The following VGLL4 variants were observed in gnomAD, a reference collection of about 807,000 sequenced individuals.
The protein encoded by VGLL4 is transcription cofactor vestigial-like protein 4.
VGLL4 carries 7 observed loss-of-function variants against 21.0 expected under a neutral mutation model. The observed-to-expected ratio is 0.33, with a 90% CI of 0.19 to 0.63. VGLL4 has a LOEUF of 0.63. Among genes scored for constraint, VGLL4 ranks in the 20% least tolerant of loss-of-function variants. The pLI is 0.78. For missense variants in VGLL4, 394 were observed against 425.7 expected, an observed-to-expected ratio of 0.93 and a Z score of 0.66; for synonymous variants, 222 against 173.2, an observed-to-expected ratio of 1.28 and a Z score of -2.21.
At position 11,556,228 on chromosome 3, in the gene VGLL4, G is replaced by A. The variant is rs2072392340; in HGVS notation, c.*2328C>T. Reference sequence around the variant, plus strand: ...GAAGAGAAGGTCAGAGCGCACTGCAGGCAGCGCGGCTCTGGGAAGAACTTC... The same window carrying A: ...GAAGAGAAGGTCAGAGCGCACTGCAAGCAGCGCGGCTCTGGGAAGAACTTC... On this transcript the variant is annotated 3_prime_UTR_variant, in exon 5 of 5. Transcript: ENST00000430365. The A allele has an allele frequency of 6.6e-6, 1 of 152,632 alleles. No individual in the cohort carries two copies. Among genetic ancestry groups the A allele is most frequent in the South Asian group, 2.1e-4 (1 of 4,826 alleles). The allele number at this position is 152,632 out of a possible 1,614,324, so 9.5% of individuals were successfully genotyped here.
At chr3:11,649,395 C>CA (rs1353755420) in intron 2 of VGLL4, among the ~76,000 whole-genome samples, 1 of 152,110 alleles carries the variant, frequency 6.6e-6, no homozygotes, top group African/African-American at 2.4e-5. Context: ...TAATAGTGCC[C>CA]ATCTTTGAAT....
At chr3:11,558,940 C>G in intron 4 of VGLL4, 113 bp from the exon 5 acceptor site, 2 of 1,313,708 alleles carry the variant, frequency 1.5e-6, no homozygotes, top group South Asian at 2.7e-5. Context: ...CCACGGTCAG[C>G]GTGGGCTCTG....
intron 2 of VGLL4, among the ~76,000 whole-genome samples, chr3:11,701,953 A>C (rs894455174): frequency 6.6e-6 from 1 of 152,218 alleles, no homozygotes; most frequent in Non-Finnish European, 1.5e-5. Context: ...GGTGAGCAGG[A>C]AAATCACTTT....
chr3:11,717,434 A>G (rs2076934222), intron 1 of VGLL4, among the ~76,000 whole-genome samples: 1 of 150,390 alleles, frequency 6.6e-6, no homozygotes, highest in Non-Finnish European at 1.5e-5. Flanking sequence ...GGCAACCACC[A>G]GAGACTGGTA....
At chr3:11,625,702 TGC>T (rs2075339671) in intron 1 of VGLL4, among the ~76,000 whole-genome samples, 1 of 139,028 alleles carries the variant, frequency 7.2e-6, no homozygotes. Flanking sequence ...GAGCTAGTAT[TGC>T]TTCTTTAAAA....
rs1462188195 is a variant in VGLL4 at position 11,653,107 on chromosome 3, C to T, written c.64+49864G>A. 2.0e-5 allele frequency among the ~76,000 whole-genome samples: 3 copies of T among 152,160 alleles called. No individual in the cohort carries two copies. Among genetic ancestry groups the T allele is most frequent in the African/African-American group, 7.2e-5 (3 of 41,432 alleles). On this transcript the variant is annotated intron_variant, in intron 2 of 5. Coordinates refer to the VGLL4 transcript ENST00000273038. This position sits in a 1 kb window ranked among gnomAD's most constrained non-coding sequence, Gnocchi z 4.2. ...TGAAGGGCTAAGTTCGCTGCTAGCCCCAATGTGTGACCCAACTTCATTTCA... is the reference window on the plus strand; with the variant it reads ...TGAAGGGCTAAGTTCGCTGCTAGCCTCAATGTGTGACCCAACTTCATTTCA...
chr3:11,630,137 A>G lies in VGLL4; in HGVS notation c.82+13300T>C, dbSNP rs549827320. 2.0e-5 allele frequency among the ~76,000 whole-genome samples: 3 copies of G among 152,336 alleles called. No homozygotes were observed. In the South Asian group the frequency reaches 6.2e-4, roughly 32 times the overall value. ...TACCTCTGCCATGAAATTAGGCAAG[A>G]AATATACATACTCCAGCCTCTAATT... is the stretch of plus-strand genomic sequence containing the variant. On this transcript the variant is annotated intron_variant, in intron 1 of 4. Coordinates refer to ENST00000430365, the MANE Select transcript of VGLL4 (RefSeq NM_001128219.3).
intron 4 of VGLL4, among the ~76,000 whole-genome samples, chr3:11,559,087 G>A (rs1010184353): frequency 5.3e-5 from 8 of 152,244 alleles, no homozygotes; most frequent in African/African-American, 1.9e-4. Context: ...AATAACAGTA[G>A]CCGCTGCCCT....
chr3:11,600,424 A>G (rs1450573708), intron 2 of VGLL4, among the ~76,000 whole-genome samples: 1 of 151,842 alleles, frequency 6.6e-6, no homozygotes, highest in East Asian at 1.9e-4. Context: ...AGCAGATGGG[A>G]AAGTATAAGA....
chr3:11,682,823 T>C (rs898007674), intron 2 of VGLL4, among the ~76,000 whole-genome samples: 2 of 152,040 alleles, frequency 1.3e-5, no homozygotes, highest in Admixed American at 6.6e-5. Context: ...AAAAGGAAGA[T>C]TGAACAAGAG....
chr3:11,584,259 C>T (rs2074309615), intron 2 of VGLL4, among the ~76,000 whole-genome samples: 1 of 151,922 alleles, frequency 6.6e-6, no homozygotes, highest in African/African-American at 2.4e-5. Context: ...AAGGTATAAA[C>T]AACATCATGG....
upstream of VGLL4, among the ~76,000 whole-genome samples, chr3:11,648,479 C>T (rs1486875963): frequency 1.3e-5 from 2 of 152,138 alleles, no homozygotes; most frequent in Non-Finnish European, 1.5e-5. Flanking sequence ...AATAGGAAAA[C>T]ATTTGCTAAG....
rs148217127 is a variant in VGLL4 at position 11,575,233 on chromosome 3, C to T, written c.273-10214G>A. 7.1e-4 allele frequency among the ~76,000 whole-genome samples: 108 copies of T among 152,280 alleles called. 1 individual carries two copies. The highest frequency in any genetic ancestry group is 1.2e-3 in the Non-Finnish European group (82 of 68,036). On this transcript the variant is annotated intron_variant, in intron 2 of 4. Transcript: ENST00000430365. ...CAGGTCTGTGGTGCGAGAGGGAAGG[C>T]GGCCGCACTGAGTGCTGTCAGAGCA...
At chr3:11,704,106 C>A (rs1292103155) in intron 1 of VGLL4, among the ~76,000 whole-genome samples, 1 of 151,952 alleles carries the variant, frequency 6.6e-6, no homozygotes, top group Non-Finnish European at 1.5e-5. Flanking sequence ...TTAGGTCGGG[C>A]GTGGTGGCTC....
At chr3:11,623,569 T>C (rs2075302983) in intron 1 of VGLL4, among the ~76,000 whole-genome samples, 1 of 152,228 alleles carries the variant, frequency 6.6e-6, no homozygotes, top group Non-Finnish European at 1.5e-5. Context: ...CAGGGTTTTC[T>C]GTAAGTTGGG....
chr3:11,709,581 T>A (rs2076812005), intron 1 of VGLL4, among the ~76,000 whole-genome samples: 1 of 152,120 alleles, frequency 6.6e-6, no homozygotes. Flanking sequence ...TATATTTTGT[T>A]GTTGTGGATT....
intron 2 of VGLL4, among the ~76,000 whole-genome samples, chr3:11,691,234 A>G (rs939473854): frequency 6.7e-6 from 1 of 149,670 alleles, no homozygotes; most frequent in Admixed American, 6.8e-5. Context: ...CAAAAAGCAC[A>G]TACTAGATAG....
intron 2 of VGLL4, among the ~76,000 whole-genome samples, chr3:11,679,369 G>GA (rs146424551): frequency 4.7e-5 from 7 of 148,770 alleles, no homozygotes; most frequent in East Asian, 2.0e-4. Flanking sequence ...AGTAAAAATT[G>GA]AAAAAAAAAA....
At chr3:11,667,427 G>A (rs371198306) in intron 2 of VGLL4, among the ~76,000 whole-genome samples, 6 of 152,104 alleles carry the variant, frequency 3.9e-5, no homozygotes, top group African/African-American at 1.4e-4. Flanking sequence ...CTTTATATTA[G>A]GTAAATTGTG....
Sources: allele counts gnomAD v4.1 joint callset (sites outside exome capture counted in the v4.1 genomes callset), GRCh38; gene constraint gnomAD v4.1.1; non-coding constraint Gnocchi (gnomAD v3.1); transcripts MANE v1.5; gene names NCBI Gene and HGNC (gene_info 2026-07-23, HGNC 2026-07-21).